Variants in ATM observed in about 807,000 individuals in gnomAD.
The protein encoded by ATM is ATM serine/threonine kinase, also known as serine-protein kinase ATM.
A neutral mutation model predicts 387.0 loss-of-function variants in ATM; 308 were observed. The ratio of observed to expected loss-of-function variants is 0.80; its 90% CI spans 0.73 to 0.87. ATM has a LOEUF of 0.87. Among genes scored for constraint, ATM ranks in the 40% least tolerant of loss-of-function variants. ATM has a pLI of 0.00. For synonymous variants in ATM, 1,156 were observed against 1,187.3 expected (o/e 0.97, Z 0.54); for missense variants, 3,312 against 3,560.9 (o/e 0.93, Z 1.78).
At chr11:108,322,185 C>T (rs186638361) in intron 45 of ATM, among the ~76,000 whole-genome samples, 5 of 152,036 alleles carry the variant, frequency 3.3e-5, no homozygotes, top group African/African-American at 9.6e-5. Context: ...GACCAAGTCT[C>T]GCTCTGTTGC....
At position 108,326,220 on chromosome 11, in the gene ATM, G is replaced by T; in HGVS notation, c.6970G>T (p.Ala2324Ser). The change falls in exon 47 of 63, where the codon GCA (alanine) becomes TCA (serine). Residue 2324 changes from alanine (A) to serine (S), a missense_variant. Ala to Ser is a moderately conservative substitution (Grantham distance 99). This residue lies in a region of ATM where 1,405 missense variants were observed against 1,604.4 expected (regional missense o/e 0.88). Transcript: ENST00000675843. ...QMIKKLDASC[A>S]ANNPSLKLTY... ...GATCAAGAAGTTGGATGCCAGCTGT[G>T]CAGCGGTTTGTTTTTTTTATTGGCT... 1 of 1,614,064 alleles carries T rather than the reference G, an allele frequency of 6.2e-7. No individual in the cohort carries two copies.
Position 108,247,028 on chromosome 11 carries a change from GAT to G in ATM, c.968_969del (p.Ile323LysfsTer6). On this transcript the variant is annotated frameshift_variant, in exon 8 of 63. Transcript: ENST00000675843. LOFTEE classifies it high-confidence loss of function. ...ACTTATATGATCTGCTAGTGAATGA[GAT>G]AAGTCATATAGGAAGTAGAGGAAAG... ...YNLYDLLVNEISHIGSRGKYS... is the reference protein window; with the variant it reads ...YNLYDLLVNEXSHIGSRGKYS... 1 of 1,613,348 alleles carries G rather than the reference GAT, an allele frequency of 6.2e-7. No individual in the cohort carries two copies. Among genetic ancestry groups the G allele is most frequent in the Non-Finnish European group, 8.5e-7 (1 of 1,179,452 alleles).
At chr11:108,261,394 G>A (rs1374801331) in intron 16 of ATM, among the ~76,000 whole-genome samples, 1 of 152,156 alleles carries the variant, frequency 6.6e-6, no homozygotes, top group Admixed American at 6.5e-5. Flanking sequence ...ACATGGCAGG[G>A]TACTCCAACA....
rs1131691159 is a variant in ATM at position 108,299,886 on chromosome 11, G to C, written c.5177+1G>C. On this transcript the variant is annotated splice_donor_variant, in intron 34 of 62. Coordinates refer to ENST00000675843, the MANE Select transcript of ATM (RefSeq NM_000051.4). LOFTEE classifies it high-confidence loss of function. ...TGAATAACACACTGGTAGAAGATTG[G>C]TGAGTATTTATTGATACCTTATATG... 6.2e-7 allele frequency: 1 copy of C among 1,612,866 alleles called. No individual in the cohort carries two copies. Among genetic ancestry groups the C allele is most frequent in the Non-Finnish European group, 8.5e-7 (1 of 1,179,118 alleles).
intron 59 of ATM, among the ~76,000 whole-genome samples, chr11:108,349,466 C>T (rs1043978711): frequency 4.6e-5 from 7 of 152,082 alleles, no homozygotes; most frequent in Admixed American, 3.3e-4. Context: ...AGATTGAGAC[C>T]ATCCTGGCCA....
chr11:108,260,571 C>G (rs997551139), intron 16 of ATM, among the ~76,000 whole-genome samples: 1 of 152,138 alleles, frequency 6.6e-6, no homozygotes, highest in African/African-American at 2.4e-5. Flanking sequence ...TTTCCTACAC[C>G]CTCTTTGGGT....
At chr11:108,326,605 C>G (rs1048537302) in intron 47 of ATM, among the ~76,000 whole-genome samples, 1 of 152,132 alleles carries the variant, frequency 6.6e-6, no homozygotes, top group Non-Finnish European at 1.5e-5. Context: ...CAAGTTGGGA[C>G]AATTAGGTTG....
In ATM at chr11:108,331,472, A is replaced by C. The variant is rs1591167340; in HGVS notation, c.7544A>C (p.Lys2515Thr). The part of the protein sequence containing the change: ...KRDGMKIPTY[K>T]FLPLMYQLAA... Reference sequence around the variant, plus strand: ...GACGGAATGAAGATTCCAACATATAAATTTTTGCCTCTTATGTACCAATTG... The same window carrying C: ...GACGGAATGAAGATTCCAACATATACATTTTTGCCTCTTATGTACCAATTG... The change falls in exon 51 of 63, where the codon AAA becomes ACA. Residue 2515 changes from lysine to threonine, a missense_variant. Around this residue, in one of 4 missense-constraint regions of ATM, gnomAD observed 1,405 missense variants for 1,604.4 expected, o/e 0.88. Coordinates refer to ENST00000675843, the MANE Select transcript of ATM (RefSeq NM_000051.4). The C allele has an allele frequency of 6.2e-7, 1 of 1,613,392 alleles. No individual in the cohort carries two copies. The highest frequency in any genetic ancestry group is 8.5e-7 in the Non-Finnish European group (1 of 1,179,720).
chr11:108,345,675 A>G (rs1466306572), intron 57 of ATM, 68 bp from the exon 58 acceptor site: 1 of 1,262,478 alleles, frequency 7.9e-7, no homozygotes, highest in Admixed American at 2.3e-5. Flanking sequence ...ATTTTTATAT[A>G]AAAATGTGTA....
At position 108,257,626 on chromosome 11, in the gene ATM, G is replaced by C. The variant is rs140364468; in HGVS notation, c.2376+20G>C. ...ACCAAGGTAAGATTTTCTTCTTCTT[G>C]TTTTGTTTTTTGAGATAGGATCTTT... On this transcript the variant is annotated intron_variant, in intron 15 of 62. Coordinates refer to ENST00000675843, the MANE Select transcript of ATM (RefSeq NM_000051.4). 135 of 1,611,320 alleles carry C rather than the reference G, an allele frequency of 8.4e-5. No individual in the cohort carries two copies. The East Asian group carries it at 1.7e-3, about 20-fold the overall frequency.
intron 15 of ATM, among the ~76,000 whole-genome samples, chr11:108,257,928 T>G (rs535612932): frequency 7.9e-5 from 12 of 152,112 alleles, no homozygotes; most frequent in Non-Finnish European, 1.2e-4. Flanking sequence ...CCAGAGTGAG[T>G]GATCACATCA....
intron 42 of ATM, among the ~76,000 whole-genome samples, chr11:108,316,363 TG>T (rs2084650480): frequency 6.7e-6 from 1 of 148,258 alleles, no homozygotes; most frequent in Admixed American, 6.7e-5. Context: ...GTAGATTTCT[TG>T]ATCATAGTGT....
At chr11:108,348,911 G>C (rs966013376) in intron 59 of ATM, among the ~76,000 whole-genome samples, 1 of 152,078 alleles carries the variant, frequency 6.6e-6, no homozygotes, top group Non-Finnish European at 1.5e-5. Context: ...AGCTGGTTTG[G>C]TTACTAACCA....
intron 34 of ATM, among the ~76,000 whole-genome samples, chr11:108,300,094 A>C (rs1224759776): frequency 3.3e-5 from 5 of 152,206 alleles, no homozygotes; most frequent in Non-Finnish European, 7.4e-5. Flanking sequence ...CATTCCAGAC[A>C]AGGTCCCTGT....
Position 108,263,859 on chromosome 11 carries a change from G to A in ATM, c.2467-3312G>A, listed in dbSNP as rs1312035547. On this transcript the variant is annotated intron_variant, in intron 16 of 62. Transcript: ENST00000675843. Reference sequence around the variant, plus strand: ...CAGAGAATACTACAAACACCTCTACGCAAATAAACTAGAAAATCTAGAAGA... The same window carrying A: ...CAGAGAATACTACAAACACCTCTACACAAATAAACTAGAAAATCTAGAAGA... Among the ~76,000 whole-genome samples the A allele has an allele frequency of 4.6e-5, 7 of 150,928 alleles. No homozygotes were observed. The East Asian group carries it at 9.7e-4, about 21-fold the overall frequency.
chr11:108,363,910 A>G (rs774173716), intron 61 of ATM, among the ~76,000 whole-genome samples: 3 of 152,190 alleles, frequency 2.0e-5, no homozygotes, highest in Non-Finnish European at 4.4e-5. Flanking sequence ...TCATTAGTTC[A>G]TTAATAAAAT....
rs1219097850 is a variant in ATM at position 108,253,942 on chromosome 11, C to A, written c.2027C>A (p.Ser676Tyr). Residue 676 changes from serine (S) to tyrosine (Y), a missense_variant, in exon 13 of 63, where the codon TCC (serine) becomes TAC (tyrosine). Ser to Tyr is a moderately radical substitution (Grantham distance 144). Coordinates refer to ENST00000675843, the MANE Select transcript of ATM (RefSeq NM_000051.4). ...VRECGIEKHQ[S>Y]SIGFSVHQNL... Reference sequence around the variant, plus strand: ...GAATGTGGTATAGAAAAGCACCAGTCCAGTATTGGCTTCTCTGTCCACCAG... The same window carrying A: ...GAATGTGGTATAGAAAAGCACCAGTACAGTATTGGCTTCTCTGTCCACCAG... The A allele has an allele frequency of 1.9e-6, 3 of 1,613,922 alleles. No homozygotes were observed. In the East Asian group the frequency reaches 6.7e-5, roughly 36 times the overall value.
At position 108,272,858 on chromosome 11, in the gene ATM, G is replaced by A. The variant is rs1228954245; in HGVS notation, c.3284+6G>A. ...GCTGCAGAGTCAATCAATAGGTAAT[G>A]GGTCAAATATTCATGAAGTATTTGG... On this transcript the variant is annotated splice_donor_region_variant and intron_variant, in intron 22 of 62. Transcript: ENST00000675843. 1 of 1,613,894 alleles carries A rather than the reference G, an allele frequency of 6.2e-7. No individual in the cohort carries two copies. The highest frequency in any genetic ancestry group is 8.5e-7 in the Non-Finnish European group (1 of 1,179,986).
intron 16 of ATM, among the ~76,000 whole-genome samples, chr11:108,266,641 AAAT>A (rs560477718): frequency 2.0e-3 from 306 of 152,282 alleles, no homozygotes; most frequent in African/African-American, 3.8e-3. Flanking sequence ...GTAATAAAAA[AAAT>A]AATAATTTTT....
Sources: gnomAD v4.1 joint callset for allele counts (sites outside exome capture counted in the v4.1 genomes callset) on GRCh38, gnomAD v4.1.1 for gene constraint, gnomAD v4.1.1 regional missense constraint, MANE v1.5 for transcripts, NCBI Gene and HGNC (gene_info 2026-07-23, HGNC 2026-07-21) for gene names.